Variants in PLEKHA5 observed in about 807,000 individuals in gnomAD.
PLEKHA5 encodes pleckstrin homology domain containing A5, also known as pleckstrin homology domain-containing family A member 5.
In PLEKHA5, 55 loss-of-function variants were observed where a neutral mutation model predicts 181.9. That is an observed-to-expected ratio of 0.30 (90% CI 0.24 to 0.38). The LOEUF is 0.38. Ranked by LOEUF, PLEKHA5 falls within the 10% of genes least tolerant of loss-of-function variation. The probability of loss-of-function intolerance (pLI) is 1.00; values close to 1 mark genes in which losing one functional copy is unlikely to be tolerated. For synonymous variants in PLEKHA5, 535 were observed against 529.4 expected, an observed-to-expected ratio of 1.01 and a Z score of -0.15; for missense variants, 1,432 against 1,549.5, an observed-to-expected ratio of 0.92 and a Z score of 1.27.
chr12:19,253,599 C>T (rs572414709), intron 3 of PLEKHA5, among the ~76,000 whole-genome samples: 10 of 151,610 alleles, frequency 6.6e-5, no homozygotes, highest in Non-Finnish European at 1.0e-4. Context: ...GGTGGATCAC[C>T]TGAGGTCAGG....
chr12:19,257,428 T>C lies in PLEKHA5; in HGVS notation c.433-5T>C. On this transcript the variant is annotated splice_region_variant and splice_polypyrimidine_tract_variant and intron_variant, in intron 5 of 31. Transcript: ENST00000429027. ...CATTTTCTGTCATGCTCTTTTTCTA[T>C]TTAGACTTCACGAGCTTCAAAAAAA... The C allele has an allele frequency of 6.8e-7, 1 of 1,462,850 alleles. No individual in the cohort carries two copies. Among genetic ancestry groups the C allele is most frequent in the Non-Finnish European group, 9.5e-7 (1 of 1,050,846 alleles). The allele number at this position is 1,462,850 out of a possible 1,614,324, so 90.6% of individuals were successfully genotyped here.
chr12:19,350,362 A>G (rs1373283444), intron 25 of PLEKHA5, among the ~76,000 whole-genome samples: 2 of 152,228 alleles, frequency 1.3e-5, no homozygotes, highest in Non-Finnish European at 1.5e-5. Context: ...TTATGCAGAG[A>G]TAATGTAAGT....
chr12:19,194,155 T>A lies in PLEKHA5; in HGVS notation c.228-59785T>A, dbSNP rs112961603. ...TCATTCCATACTCTGCTTCCATGTG[T>A]ACACGTTATTTAGTTCCCACTTATA... On this transcript the variant is annotated intron_variant, in intron 3 of 31. Coordinates refer to ENST00000429027, the MANE Select transcript of PLEKHA5 (RefSeq NM_001256470.2). 3.2e-3 allele frequency among the ~76,000 whole-genome samples: 492 copies of A among 152,352 alleles called. 4 individuals carry two copies. The highest frequency in any genetic ancestry group is 0.011 in the African/African-American group (474 of 41,582).
intron 3 of PLEKHA5, among the ~76,000 whole-genome samples, chr12:19,249,150 C>A (rs2064560946): frequency 6.6e-6 from 1 of 152,042 alleles, no homozygotes; most frequent in African/African-American, 2.4e-5. Context: ...CTGGGCAACC[C>A]AGCAAGACCC....
chr12:19,172,576 T>G (rs904581967), intron 3 of PLEKHA5, among the ~76,000 whole-genome samples: 1 of 152,170 alleles, frequency 6.6e-6, no homozygotes, highest in Non-Finnish European at 1.5e-5. Context: ...AAAATCACAG[T>G]TATATACATC....
In PLEKHA5 at chr12:19,306,836, CAG is replaced by C. The variant is rs879597126; in HGVS notation, c.2038-7975_2038-7974del. 4.1e-5 allele frequency: 33 copies of C among 806,980 alleles called. No homozygotes were observed. The African/African-American group carries it at 4.4e-4, about 11-fold the overall frequency. The allele number at this position is 806,980 out of a possible 1,614,324, so 50.0% of individuals were successfully genotyped here. A position where few individuals can be genotyped will look rare whatever the true frequency, so the allele number is the denominator to read the frequency against. ...GTCTGACAAACACTGTATTCCTTGA[CAG>C]AGCTTTGATAACGTACCATATGCAG... is the stretch of plus-strand genomic sequence containing the variant. On this transcript the variant is annotated intron_variant, in intron 15 of 31. Coordinates refer to ENST00000429027, the MANE Select transcript of PLEKHA5 (RefSeq NM_001256470.2).
At chr12:19,241,144 T>A (rs530718587) in intron 3 of PLEKHA5, among the ~76,000 whole-genome samples, 9 of 152,338 alleles carry the variant, frequency 5.9e-5, no homozygotes, top group African/African-American at 2.2e-4. Context: ...CATAATTTAC[T>A]TGTTTTTAAG....
intron 3 of PLEKHA5, among the ~76,000 whole-genome samples, chr12:19,160,384 G>A (rs1344605865): frequency 6.6e-6 from 1 of 151,812 alleles, no homozygotes; most frequent in Non-Finnish European, 1.5e-5. Flanking sequence ...TTAACTTTAA[G>A]TTGTTATATT....
chr12:19,142,301 C>T (rs2037599371), intron 3 of PLEKHA5, among the ~76,000 whole-genome samples: 1 of 152,092 alleles, frequency 6.6e-6, no homozygotes, highest in Non-Finnish European at 1.5e-5. Context: ...CCCAGGAACT[C>T]AAAGCTGAGG....
intron 15 of PLEKHA5, chr12:19,303,511 C>T (rs553426532): frequency 2.6e-5 from 4 of 152,306 alleles, no homozygotes; most frequent in Non-Finnish European, 4.4e-5. Flanking sequence ...TATATAGTCC[C>T]AGCTACCAGG....
chr12:19,180,582 A>T (rs1229503001), intron 3 of PLEKHA5, among the ~76,000 whole-genome samples: 1 of 152,168 alleles, frequency 6.6e-6, no homozygotes, highest in Non-Finnish European at 1.5e-5. Context: ...AAATAATTTT[A>T]CATCTGCAAG....
rs1457694032 is a variant in PLEKHA5 at position 19,130,439 on chromosome 12, T to A, written c.169+309T>A. On this transcript the variant is annotated intron_variant, in intron 2 of 31. Transcript: ENST00000429027. This position sits in a 1 kb window ranked among gnomAD's most constrained non-coding sequence, Gnocchi z 4.5. ...CGACCCTAGAGTGGCGACGCTCCCC[T>A]CCCTGAAACCTGGAGTCCTGAGTTT... is the stretch of plus-strand genomic sequence containing the variant. Among the ~76,000 whole-genome samples, 1 of 149,824 alleles carries A rather than the reference T, an allele frequency of 6.7e-6. No homozygotes were observed. Among genetic ancestry groups the A allele is most frequent in the Non-Finnish European group, 1.5e-5 (1 of 67,430 alleles).
chr12:19,353,965 C>G lies in PLEKHA5; in HGVS notation c.3101C>G (p.Thr1034Ser). Residue 1034 changes from threonine (T) to serine (S), a missense_variant, in exon 26 of 32, where the codon ACC becomes AGC. Thr to Ser is a moderately conservative substitution (Grantham distance 58). This residue lies in a region of PLEKHA5 where 1,143 missense variants were observed against 1,168.4 expected (regional missense o/e 0.98). Transcript: ENST00000429027. The stretch of plus-strand genomic sequence containing the variant: ...TCTTCGACAATAGCTTCCTATGTAA[C>G]CTTGAGGAAAACTAAGAAGATGATG... ...PESSTIASYVTLRKTKKMMDL... is the reference protein window; with the variant it reads ...PESSTIASYVSLRKTKKMMDL... 6.2e-7 allele frequency: 1 copy of G among 1,604,830 alleles called. No homozygotes were observed. Among genetic ancestry groups the G allele is most frequent in the Non-Finnish European group, 8.5e-7 (1 of 1,171,882 alleles).
At chr12:19,181,289 A>G (rs551241778) in intron 3 of PLEKHA5, among the ~76,000 whole-genome samples, 19 of 152,346 alleles carry the variant, frequency 1.2e-4, no homozygotes, top group Admixed American at 5.9e-4. Flanking sequence ...ATGTGATTAA[A>G]TGAAGTAGAA....
chr12:19,346,903 T>C (rs767001299), intron 23 of PLEKHA5, 91 bp from the exon 24 acceptor site: 9 of 846,660 alleles, frequency 1.1e-5, no homozygotes, highest in Admixed American at 3.5e-5. Context: ...TATCTTAAAG[T>C]AAATTTAAGT....
chr12:19,306,566 C>A (rs1565595380), intron 15 of PLEKHA5: 6 of 773,170 alleles, frequency 7.8e-6, no homozygotes, highest in Non-Finnish European at 9.5e-6. Flanking sequence ...TACCATCGTC[C>A]CCAGCACTGC....
At chr12:19,218,941 T>G (rs1405029934) in intron 3 of PLEKHA5, among the ~76,000 whole-genome samples, 1 of 147,738 alleles carries the variant, frequency 6.8e-6, no homozygotes, top group African/African-American at 2.5e-5. Flanking sequence ...CTTTTTTTTT[T>G]TAATTTTTTT....
chr12:19,130,142 C>T lies in PLEKHA5; in HGVS notation c.169+12C>T, dbSNP rs1327840229. The stretch of plus-strand genomic sequence containing the variant: ...GCGGCAGAGCACAGGTAACGCCGGG[C>T]CCAAACGGAGTTGGGCTCCGCCTGG... On this transcript the variant is annotated intron_variant, in intron 2 of 31. Transcript: ENST00000429027. The surrounding 1 kb of genome is among the most constrained non-coding windows in gnomAD (Gnocchi z 4.5). 1.9e-6 allele frequency: 3 copies of T among 1,539,888 alleles called. No homozygotes were observed. Among genetic ancestry groups the T allele is most frequent in the East Asian group, 2.5e-5 (1 of 39,302 alleles).
At chr12:19,161,932 A>G (rs961780255) in intron 3 of PLEKHA5, among the ~76,000 whole-genome samples, 1 of 152,202 alleles carries the variant, frequency 6.6e-6, no homozygotes, top group Non-Finnish European at 1.5e-5. Flanking sequence ...AATCTTGATT[A>G]TATTCATATT....
Sources: gnomAD v4.1 joint callset for allele counts (sites outside exome capture counted in the v4.1 genomes callset) on GRCh38, gnomAD v4.1.1 for gene constraint, gnomAD v4.1.1 regional missense constraint, Gnocchi (gnomAD v3.1) non-coding constraint, MANE v1.5 for transcripts, NCBI Gene and HGNC (gene_info 2026-07-23, HGNC 2026-07-21) for gene names.